ARHGEF11: variants seen among roughly 807,000 people sequenced by gnomAD.
ARHGEF11 encodes the protein Rho guanine exchange factor (GEF) 11.
In ARHGEF11, 55 loss-of-function variants were observed where a neutral mutation model predicts 193.7. The ratio of observed to expected loss-of-function variants is 0.28; its 90% CI spans 0.23 to 0.36. The LOEUF (loss-of-function observed/expected upper bound fraction) is 0.36, where lower values mean the gene tolerates loss of function less well. Ranked by LOEUF, ARHGEF11 falls within the 10% of genes least tolerant of loss-of-function variation. The pLI is 1.00. For missense variants in ARHGEF11, 1,723 were observed against 2,005.6 expected, an observed-to-expected ratio of 0.86 and a Z score of 2.69; for synonymous variants, 693 against 768.0, an observed-to-expected ratio of 0.90 and a Z score of 1.62.
At chr1:156,942,842 G>A (rs1015417009) in intron 32 of ARHGEF11, 62 bp from the exon 33 acceptor site, 1 of 1,417,946 alleles carries the variant, frequency 7.1e-7, no homozygotes, top group Non-Finnish European at 9.9e-7. Flanking sequence ...ACTGCAGCCT[G>A]GGCCAGGGTG....
chr1:157,045,280 A>G lies in ARHGEF11; in HGVS notation c.-950T>C, dbSNP rs1673201891. The G allele has an allele frequency of 6.6e-6, 1 of 152,080 alleles. No individual in the cohort carries two copies. The highest frequency in any genetic ancestry group is 6.6e-5 in the Admixed American group (1 of 15,264). The allele number at this position is 152,080 out of a possible 1,614,324, so 9.4% of individuals were successfully genotyped here. A position where few individuals can be genotyped will look rare whatever the true frequency, so the allele number is the denominator to read the frequency against. The stretch of plus-strand genomic sequence containing the variant: ...ACGTTCGGCCTTTTTCTGAAAGACA[A>G]TTTCCTGAGTTAGTTCTGCTGTTGG... On this transcript the variant is annotated 5_prime_UTR_variant, in exon 1 of 41. Coordinates refer to ENST00000368194, the MANE Select transcript of ARHGEF11 (RefSeq NM_198236.3).
At chr1:156,953,895 T>C (rs964508925) in intron 21 of ARHGEF11, among the ~76,000 whole-genome samples, 1 of 152,152 alleles carries the variant, frequency 6.6e-6, no homozygotes, top group Non-Finnish European at 1.5e-5. Flanking sequence ...GGGTCATTCT[T>C]TTTTCACTGC....
In ARHGEF11 at chr1:156,941,658, G is replaced by C. The variant is rs918691443; in HGVS notation, c.3452+206C>G. Among the ~76,000 whole-genome samples, 7 of 152,214 alleles carry C rather than the reference G, an allele frequency of 4.6e-5. No individual in the cohort carries two copies. In the East Asian group the frequency reaches 1.3e-3, roughly 29 times the overall value. On this transcript the variant is annotated intron_variant, in intron 34 of 40. Transcript: ENST00000368194. ...TCAGGCTCAGCTCTATTATAGCCAG[G>C]TGGCAGGCTGTGGGGGAGCAGACAG...
intron 1 of ARHGEF11, among the ~76,000 whole-genome samples, chr1:156,992,655 A>G (rs1665916822): frequency 6.6e-6 from 1 of 152,232 alleles, no homozygotes; most frequent in African/African-American, 2.4e-5. Flanking sequence ...GCTAAGCAAT[A>G]AAATACAGAT....
At chr1:156,941,599 C>G (rs181699093) in intron 34 of ARHGEF11, among the ~76,000 whole-genome samples, 166 bp from the exon 35 acceptor site, 5 of 152,358 alleles carry the variant, frequency 3.3e-5, no homozygotes, top group Admixed American at 1.3e-4. Flanking sequence ...CTGAGCTTCT[C>G]TGGTCCCTTG....
chr1:157,013,299 A>ACACACACACACAC (rs534893600), intron 1 of ARHGEF11, among the ~76,000 whole-genome samples: 1 of 148,624 alleles, frequency 6.7e-6, no homozygotes, highest in African/African-American at 2.5e-5. Context: ...ACACACACAC[A>ACACACACACACAC]CCAAGAACCT....
At chr1:157,003,946 A>G (rs143430594) in intron 1 of ARHGEF11, among the ~76,000 whole-genome samples, 108 of 152,322 alleles carry the variant, frequency 7.1e-4, no homozygotes, top group African/African-American at 2.2e-3. Context: ...TATGTTAGCT[A>G]TTATTTTTAT....
intron 1 of ARHGEF11, among the ~76,000 whole-genome samples, chr1:156,992,087 T>C (rs1243516878): frequency 6.6e-6 from 1 of 152,232 alleles, no homozygotes; most frequent in African/African-American, 2.4e-5. Flanking sequence ...TTTAAAAGTA[T>C]ATTCAGAAGT....
intron 1 of ARHGEF11, among the ~76,000 whole-genome samples, chr1:156,993,326 T>C (rs561699641): frequency 3.7e-4 from 57 of 152,316 alleles, no homozygotes; most frequent in Non-Finnish European, 6.6e-4. Flanking sequence ...CATATACACA[T>C]ATATACATCA....
intron 1 of ARHGEF11, among the ~76,000 whole-genome samples, chr1:157,040,379 C>A (rs1672585760): frequency 6.6e-6 from 1 of 152,100 alleles, no homozygotes; most frequent in Non-Finnish European, 1.5e-5. Context: ...GCGAAGAGAC[C>A]CCTGACAGAG....
chr1:156,987,523 C>T (rs1665105525), intron 1 of ARHGEF11, among the ~76,000 whole-genome samples: 1 of 152,038 alleles, frequency 6.6e-6, no homozygotes, highest in African/African-American at 2.4e-5. Context: ...TGGAAGAATA[C>T]AAAAGAAACA....
intron 1 of ARHGEF11, among the ~76,000 whole-genome samples, chr1:157,012,026 T>C (rs1159255882): frequency 6.6e-6 from 1 of 152,136 alleles, no homozygotes; most frequent in African/African-American, 2.4e-5. Flanking sequence ...AACTTGTACA[T>C]GAAGGTTCAT....
intron 1 of ARHGEF11, among the ~76,000 whole-genome samples, chr1:157,022,713 T>C (rs1670143464): frequency 6.6e-6 from 1 of 152,150 alleles, no homozygotes; most frequent in African/African-American, 2.4e-5. Flanking sequence ...AGAACGGCCA[T>C]AATAGTCTTG....
rs890932067 is a variant in ARHGEF11, at chr1:156,935,133, G to A, written c.*867C>T. 2 of 152,486 alleles carry A rather than the reference G, an allele frequency of 1.3e-5. No homozygotes were observed. Among genetic ancestry groups the A allele is most frequent in the East Asian group, 1.9e-4 (1 of 5,194 alleles). The allele number at this position is 152,486 out of a possible 1,614,324, so 9.4% of individuals were successfully genotyped here. A position where few individuals can be genotyped will look rare whatever the true frequency, so the allele number is the denominator to read the frequency against. On this transcript the variant is annotated 3_prime_UTR_variant, in exon 41 of 41. Transcript: ENST00000368194. ...TTCAGACCCCTGTCCCCACCTCCTG[G>A]GGCCCAGTCCTCAGCTCCGTACCTG...
At chr1:157,020,155 G>A (rs1451596541) in intron 1 of ARHGEF11, among the ~76,000 whole-genome samples, 1 of 151,260 alleles carries the variant, frequency 6.6e-6, no homozygotes, top group African/African-American at 2.4e-5. Flanking sequence ...AGAGAGAGAC[G>A]GATTACAAAG....
At chr1:156,969,612 G>C (rs1300945758) in intron 9 of ARHGEF11, among the ~76,000 whole-genome samples, 2 of 152,092 alleles carry the variant, frequency 1.3e-5, no homozygotes, top group Non-Finnish European at 2.9e-5. Context: ...CCTGAAATAA[G>C]ACTCCATAAC....
At chr1:156,944,989 G>A (rs1344250424) in intron 30 of ARHGEF11, 30 bp downstream of exon 30, 3 of 1,606,472 alleles carry the variant, frequency 1.9e-6, no homozygotes, top group African/African-American at 1.3e-5. Flanking sequence ...AAAGTGTGAG[G>A]GGTTGACTGC....
At chr1:157,011,226 C>G (rs1668500242) in intron 1 of ARHGEF11, among the ~76,000 whole-genome samples, 1 of 152,156 alleles carries the variant, frequency 6.6e-6, no homozygotes, top group Non-Finnish European at 1.5e-5. Flanking sequence ...CAGGACAATT[C>G]AGTGGAGAGG....
chr1:156,968,005 G>A lies in ARHGEF11; in HGVS notation c.945C>T (p.Val315=). The A allele has an allele frequency of 6.2e-7, 1 of 1,614,234 alleles. No individual in the cohort carries two copies. The highest frequency in any genetic ancestry group is 8.5e-7 in the Non-Finnish European group (1 of 1,180,044). Residue 315 remains valine, a synonymous_variant, in exon 11 of 41, where the codon GTC becomes GTT. Coordinates refer to ENST00000368194, the MANE Select transcript of ARHGEF11 (RefSeq NM_198236.3). ...HHRRQGSDAA[V]PSTGDQGVDQ... The stretch of plus-strand genomic sequence containing the variant: ...CACTCACCTGGTCACCGGTTGAGGG[G>A]ACTGCTGCATCCGAGCCCTGCCGCC...
Sources: allele counts gnomAD v4.1 joint callset (sites outside exome capture counted in the v4.1 genomes callset), GRCh38; gene constraint gnomAD v4.1.1; transcripts MANE v1.5; gene names NCBI Gene and HGNC (gene_info 2026-07-23, HGNC 2026-07-21).